The following PCDHGB1 variants were observed in gnomAD, a reference collection of about 807,000 sequenced individuals.
The protein encoded by PCDHGB1 is protocadherin gamma subfamily B, 1.
A neutral mutation model predicts 56.6 loss-of-function variants in PCDHGB1; 34 were observed. That is an observed-to-expected ratio of 0.60 (90% CI 0.46 to 0.80). The LOEUF (loss-of-function observed/expected upper bound fraction) is 0.80, where lower values mean the gene tolerates loss of function less well. PCDHGB1 is among the 30% of genes least tolerant of loss of function. The probability of loss-of-function intolerance (pLI) is 0.00; values close to 1 mark genes in which losing one functional copy is unlikely to be tolerated. For missense variants in PCDHGB1, 1,278 were observed against 1,204.6 expected, an observed-to-expected ratio of 1.06 and a Z score of -0.90; for synonymous variants, 561 against 505.9, an observed-to-expected ratio of 1.11 and a Z score of -1.46.
intron 1 of PCDHGB1, chr5:141,410,277 T>A (rs1461250700): frequency 1.9e-6 from 3 of 1,613,896 alleles, no homozygotes; most frequent in Non-Finnish European, 2.5e-6. Context: ...CAGTTTTACC[T>A]GGTGGTGGCC....
intron 1 of PCDHGB1, among the ~76,000 whole-genome samples, chr5:141,474,096 CAACAAA>C (rs1262341033): frequency 1.3e-5 from 2 of 152,078 alleles, no homozygotes; most frequent in African/African-American, 4.8e-5. Context: ...AAACAAACAA[CAACAAA>C]AACAACAACA....
intron 1 of PCDHGB1, chr5:141,385,030 C>T (rs1448535123): frequency 6.2e-7 from 1 of 1,614,070 alleles, no homozygotes; most frequent in Non-Finnish European, 8.5e-7. Flanking sequence ...CGTCCTCGTA[C>T]TGCTGGCGCT....
intron 1 of PCDHGB1, chr5:141,403,432 G>A: frequency 1.2e-6 from 2 of 1,614,018 alleles, no homozygotes; most frequent in Non-Finnish European, 1.7e-6. Flanking sequence ...CTATTGATCC[G>A]GATGTTGGCG....
At chr5:141,400,261 C>G in intron 1 of PCDHGB1, 1 of 1,614,058 alleles carries the variant, frequency 6.2e-7, no homozygotes. Context: ...CTTGCGCCTG[C>G]GACGCTCCTC....
chr5:141,357,461 C>T lies in PCDHGB1; in HGVS notation c.2409+4792C>T, dbSNP rs1157643001. The T allele has an allele frequency of 1.9e-6, 3 of 1,614,090 alleles. No homozygotes were observed. In the Admixed American group the frequency reaches 5.0e-5, roughly 27 times the overall value. ...GTTCGGGCTTTCCTGCAGACCTATT[C>T]CCACGAGGTCTCCCTCACCGCGGAC... is the stretch of plus-strand genomic sequence containing the variant. On this transcript the variant is annotated intron_variant, in intron 1 of 3. Coordinates refer to ENST00000523390, the MANE Select transcript of PCDHGB1 (RefSeq NM_018922.3).
At position 141,372,429 on chromosome 5, in the gene PCDHGB1, C is replaced by T. The variant is rs754379317; in HGVS notation, c.2409+19760C>T. The T allele has an allele frequency of 2.5e-6, 4 of 1,614,042 alleles. No individual in the cohort carries two copies. In the Admixed American group the frequency reaches 6.7e-5, roughly 27 times the overall value. ...GATACAACCTGACCTTAGCGACCGC[C>T]CCACTCCCTCTGACCCTCAGGCGGA... On this transcript the variant is annotated intron_variant, in intron 1 of 3. Transcript: ENST00000523390.
chr5:141,446,854 C>T (rs1474444931), intron 1 of PCDHGB1, among the ~76,000 whole-genome samples: 1 of 152,134 alleles, frequency 6.6e-6, no homozygotes, highest in Non-Finnish European at 1.5e-5. Context: ...AATAAGCTTC[C>T]TGATAGCTCT....
chr5:141,419,632 G>A (rs1210031265), intron 1 of PCDHGB1: 1 of 1,612,432 alleles, frequency 6.2e-7, no homozygotes, highest in Admixed American at 1.7e-5. Flanking sequence ...TGACCAAGGT[G>A]GTGGCCGTGG....
intron 1 of PCDHGB1, chr5:141,375,706 T>C: frequency 6.2e-7 from 1 of 1,614,232 alleles, no homozygotes; most frequent in Non-Finnish European, 8.5e-7. Flanking sequence ...GGGACCCGCC[T>C]CTTAGCAGCA....
At chr5:141,399,590 T>C (rs1369616193) in intron 1 of PCDHGB1, 5 of 1,613,854 alleles carry the variant, frequency 3.1e-6, no homozygotes, top group Admixed American at 3.3e-5. Flanking sequence ...TACTCTATCA[T>C]GGCCAGCGAC....
chr5:141,432,766 C>G lies in PCDHGB1; in HGVS notation c.2410-62041C>G. On this transcript the variant is annotated intron_variant, in intron 1 of 3. Transcript: ENST00000523390. This position sits in a 1 kb window ranked among gnomAD's most constrained non-coding sequence, Gnocchi z 6.0. Reference sequence around the variant, plus strand: ...CCGTGGCCGTGGCCGACAGCATCCCCCAAGTCCTGGCGGACCTCGGCAGCC... The same window carrying G: ...CCGTGGCCGTGGCCGACAGCATCCCGCAAGTCCTGGCGGACCTCGGCAGCC... 6.2e-7 allele frequency: 1 copy of G among 1,614,160 alleles called. No individual in the cohort carries two copies. The highest frequency in any genetic ancestry group is 8.5e-7 in the Non-Finnish European group (1 of 1,179,994).
At chr5:141,403,559 G>C (rs1281537625) in intron 1 of PCDHGB1, 1 of 1,613,974 alleles carries the variant, frequency 6.2e-7, no homozygotes. Flanking sequence ...CCTGGACAGG[G>C]AGGAGGCAAC....
intron 1 of PCDHGB1, among the ~76,000 whole-genome samples, chr5:141,482,530 C>CAAAAAAAAAAAAAA (rs3074545): frequency 1.2e-4 from 9 of 76,558 alleles, no homozygotes; most frequent in African/African-American, 3.8e-4. Flanking sequence ...GACAGACATG[C>CAAAAAAAAAAAAAA]AAAAAAAAAA....
At chr5:141,355,864 C>A in intron 1 of PCDHGB1, 6 of 1,612,570 alleles carry the variant, frequency 3.7e-6, no homozygotes, top group South Asian at 3.3e-5. Flanking sequence ...TGACCCGGTT[C>A]GCTCTGGCAC....
intron 1 of PCDHGB1, chr5:141,420,364 ACTT>A (rs746817317): frequency 1.3e-4 from 174 of 1,368,558 alleles, no homozygotes; most frequent in Non-Finnish European, 1.6e-4. Context: ...ATTCTAGATA[ACTT>A]CTTCATAGAG....
rs201704748 is a variant in PCDHGB1, at chr5:141,431,453, G to A, written c.2410-63354G>A. The A allele has an allele frequency of 5.7e-4, 914 of 1,613,802 alleles. 10 individuals are homozygous for A. The South Asian group carries it at 9.6e-3, about 17-fold the overall frequency. ...AGGCACCGCGCGCATCCGCGTGATG[G>A]TTCTGGATGCGAACGACAACGCACC... On this transcript the variant is annotated intron_variant, in intron 1 of 3. Coordinates refer to ENST00000523390, the MANE Select transcript of PCDHGB1 (RefSeq NM_018922.3). This position sits in a 1 kb window ranked among gnomAD's most constrained non-coding sequence, Gnocchi z 4.8.
Position 141,366,720 on chromosome 5 carries a change from T to C in PCDHGB1, c.2409+14051T>C, listed in dbSNP as rs1471976896. 1.2e-6 allele frequency: 2 copies of C among 1,613,598 alleles called. No individual in the cohort carries two copies. Among genetic ancestry groups the C allele is most frequent in the East Asian group, 4.5e-5 (2 of 44,886 alleles). On this transcript the variant is annotated intron_variant, in intron 1 of 3. Transcript: ENST00000523390. ...GAGCCTCTTCTGATGTCTGATAAGG[T>C]AGATGCAAACAAAGAAGAACGGCGA... is the stretch of plus-strand genomic sequence containing the variant.
intron 1 of PCDHGB1, chr5:141,365,337 C>T: frequency 1.9e-6 from 3 of 1,613,956 alleles, no homozygotes; most frequent in Non-Finnish European, 2.5e-6. Flanking sequence ...GTGGTGGTCA[C>T]AGTACAGGAC....
At chr5:141,507,858 AC>A (rs2099864314) in intron 3 of PCDHGB1, among the ~76,000 whole-genome samples, 1 of 151,748 alleles carries the variant, frequency 6.6e-6, no homozygotes, top group African/African-American at 2.4e-5. Flanking sequence ...TCACTTTCAC[AC>A]CCGCTTCCTA....
Sources: gnomAD v4.1 joint callset for allele counts (sites outside exome capture counted in the v4.1 genomes callset) on GRCh38, gnomAD v4.1.1 for gene constraint, Gnocchi (gnomAD v3.1) non-coding constraint, MANE v1.5 for transcripts, NCBI Gene and HGNC (gene_info 2026-07-23, HGNC 2026-07-21) for gene names.